DNAH2: variants seen among roughly 807,000 people sequenced by gnomAD.
DNAH2 encodes dynein axonemal heavy chain 2, also known as axonemal beta dynein heavy chain 2.
In DNAH2, 323 loss-of-function variants were observed where a neutral mutation model predicts 523.5. That is an observed-to-expected ratio of 0.62 (90% CI 0.56 to 0.68). The LOEUF is 0.68. Among genes scored for constraint, DNAH2 ranks in the 30% least tolerant of loss-of-function variants. DNAH2 has a pLI of 0.00. For missense variants in DNAH2, 4,907 were observed against 5,701.5 expected (o/e 0.86, Z 4.49); for synonymous variants, 2,093 against 2,177.4 (o/e 0.96, Z 1.08).
chr17:7,727,069 A>G (rs2074836934), intron 3 of DNAH2, 53 bp from the exon 4 acceptor site: 5 of 1,481,390 alleles, frequency 3.4e-6, no homozygotes, highest in Non-Finnish European at 4.5e-6. Flanking sequence ...GATGGGAGGA[A>G]TGACTCATCC....
Position 7,830,562 on chromosome 17 carries a change from G to A in DNAH2, c.12045+71G>A. On this transcript the variant is annotated intron_variant, in intron 78 of 85. Coordinates refer to ENST00000572933, the MANE Select transcript of DNAH2 (RefSeq NM_020877.5). ...CGTCCTACCCCATGGCTCCCCTGTG[G>A]GAATATCCGTGGACACAAAGCCTGT... 2.5e-6 allele frequency: 4 copies of A among 1,605,154 alleles called. No homozygotes were observed. The South Asian group carries it at 3.3e-5, about 13-fold the overall frequency.
In DNAH2 at chr17:7,807,208, G is replaced by C; in HGVS notation, c.9501G>C (p.Lys3167Asn). 1 of 1,613,144 alleles carries C rather than the reference G, an allele frequency of 6.2e-7. No individual in the cohort carries two copies. Residue 3167 changes from lysine (K) to asparagine (N), a missense_variant, in exon 62 of 86, where the codon AAG becomes AAC. Transcript: ENST00000572933. The surrounding 1 kb of genome is among the most constrained non-coding windows in gnomAD (Gnocchi z 5.6). Reference protein sequence around the residue: ...INFDKDNISDKVLKKIGAYCA... With the variant: ...INFDKDNISDNVLKKIGAYCA... ...TTGATAAAGACAATATCTCAGATAAGGTTCTGAAGAAGATTGGGGCCTACT... is the reference window on the plus strand; with the variant it reads ...TTGATAAAGACAATATCTCAGATAACGTTCTGAAGAAGATTGGGGCCTACT...
intron 24 of DNAH2, among the ~76,000 whole-genome samples, chr17:7,769,222 T>C (rs923626678): frequency 6.6e-6 from 1 of 152,206 alleles, no homozygotes; most frequent in African/African-American, 2.4e-5. Flanking sequence ...GGTGCAGTGC[T>C]GTGATCTCGG....
chr17:7,812,816 A>C (rs1316088056), intron 63 of DNAH2, among the ~76,000 whole-genome samples: 1 of 136,940 alleles, frequency 7.3e-6, no homozygotes, highest in Non-Finnish European at 1.6e-5. Context: ...GGTGGTGGGC[A>C]CCTGTAATCC....
In DNAH2 at chr17:7,833,450, G is replaced by A. The variant is rs201842080; in HGVS notation, c.13201G>A (p.Gly4401Ser). 3.7e-6 allele frequency: 6 copies of A among 1,614,114 alleles called. No individual in the cohort carries two copies. Among genetic ancestry groups the A allele is most frequent in the African/African-American group, 2.7e-5 (2 of 75,026 alleles). ...GSSDRASFVI[G>S]IDLRSGAMTP... is the part of the protein sequence containing the mutation. Reference sequence around the variant, plus strand: ...CTCAGACCGAGCCTCCTTTGTCATCGGCATTGACCTGCGGTCTGGGGCCAT... The same window carrying A: ...CTCAGACCGAGCCTCCTTTGTCATCAGCATTGACCTGCGGTCTGGGGCCAT... The change falls in exon 86 of 86, where the codon GGC (glycine) becomes AGC (serine). Residue 4401 changes from glycine to serine, a missense_variant. Physicochemically the swap from Gly to Ser is moderately conservative, Grantham distance 56 (BLOSUM62 0). Around this residue, in one of 3 missense-constraint regions of DNAH2, gnomAD observed 1,851 missense variants for 2,139.4 expected, o/e 0.87. Transcript: ENST00000572933.
chr17:7,733,812 T>C (rs1441996622), intron 5 of DNAH2, among the ~76,000 whole-genome samples: 1 of 152,104 alleles, frequency 6.6e-6, no homozygotes, highest in Non-Finnish European at 1.5e-5. Flanking sequence ...ACTTTTCTGT[T>C]GTGGAACTTG....
In DNAH2 at chr17:7,770,556, G is replaced by A. The variant is rs199860298; in HGVS notation, c.4099-1G>A. Reference sequence around the variant, plus strand: ...CTGTGTCCCCCAATTTCTCTCCACAGGCTTTACAAAACATTGCCAAGACCT... The same window carrying A: ...CTGTGTCCCCCAATTTCTCTCCACAAGCTTTACAAAACATTGCCAAGACCT... On this transcript the variant is annotated splice_acceptor_variant, in intron 25 of 85. Coordinates refer to ENST00000572933, the MANE Select transcript of DNAH2 (RefSeq NM_020877.5). LOFTEE classifies it high-confidence loss of function. 1.1e-5 allele frequency: 18 copies of A among 1,614,124 alleles called. No individual in the cohort carries two copies. The highest frequency in any genetic ancestry group is 1.5e-5 in the Non-Finnish European group (18 of 1,180,020).
Position 7,760,659 on chromosome 17 carries a change from T to A in DNAH2, c.2786-81T>A, listed in dbSNP as rs1363313804. ...GGGAAGCTGGTTTTAGAGTGGAAGGTCTGGAGCAGTGGGCAGGGCTCAGGC... is the reference window on the plus strand; with the variant it reads ...GGGAAGCTGGTTTTAGAGTGGAAGGACTGGAGCAGTGGGCAGGGCTCAGGC... On this transcript the variant is annotated intron_variant, in intron 17 of 85. Transcript: ENST00000572933. This position sits in a 1 kb window ranked among gnomAD's most constrained non-coding sequence, Gnocchi z 4.0. 6.5e-6 allele frequency: 9 copies of A among 1,390,590 alleles called. No homozygotes were observed. The highest frequency in any genetic ancestry group is 7.9e-6 in the Non-Finnish European group (8 of 1,012,422). The allele number at this position is 1,390,590 out of a possible 1,614,324, so 86.1% of individuals were successfully genotyped here.
chr17:7,727,754 C>CAAAAAAAAAAAAAA (rs766811062), intron 4 of DNAH2, among the ~76,000 whole-genome samples: 2 of 48,968 alleles, frequency 4.1e-5, no homozygotes, highest in African/African-American at 1.7e-4. Context: ...GACTCTGTCT[C>CAAAAAAAAAAAAAA]AAAAAAAAAA....
In DNAH2 at chr17:7,786,371, G is replaced by T; in HGVS notation, c.6348+29G>T. ...CGGGGCTGGGACAGTGGAGTCAGTG[G>T]GCAGAGACTTGAGTAGTAAGAAGAC... On this transcript the variant is annotated intron_variant, in intron 40 of 85. Coordinates refer to ENST00000572933, the MANE Select transcript of DNAH2 (RefSeq NM_020877.5). This position sits in a 1 kb window ranked among gnomAD's most constrained non-coding sequence, Gnocchi z 7.5. The T allele has an allele frequency of 6.2e-7, 1 of 1,602,318 alleles. No individual in the cohort carries two copies.
chr17:7,824,049 G>A, intron 75 of DNAH2, 67 bp downstream of exon 75: 1 of 1,584,024 alleles, frequency 6.3e-7, no homozygotes, highest in South Asian at 1.1e-5. Context: ...CTCTGTTTCA[G>A]TCTCCTTCAT....
Position 7,797,836 on chromosome 17 carries a change from A to G in DNAH2, c.8230+7A>G. 5 of 1,601,684 alleles carry G rather than the reference A, an allele frequency of 3.1e-6. No individual in the cohort carries two copies. The highest frequency in any genetic ancestry group is 4.3e-6 in the Non-Finnish European group (5 of 1,174,002). ...CGAGAGGCTATTGAACACAGTGAGC[A>G]CCTGCCACGCCTATCCCCTTCCCCA... is the stretch of plus-strand genomic sequence containing the variant. On this transcript the variant is annotated splice_region_variant and intron_variant, in intron 53 of 85. Coordinates refer to ENST00000572933, the MANE Select transcript of DNAH2 (RefSeq NM_020877.5).
rs1204325973 is a variant in DNAH2 at position 7,775,362 on chromosome 17, T to C, written c.4821+20T>C. The C allele has an allele frequency of 1.2e-5, 19 of 1,597,394 alleles. No homozygotes were observed. Among genetic ancestry groups the C allele is most frequent in the Non-Finnish European group, 1.6e-5 (19 of 1,169,712 alleles). On this transcript the variant is annotated intron_variant, in intron 30 of 85. Coordinates refer to ENST00000572933, the MANE Select transcript of DNAH2 (RefSeq NM_020877.5). ...GTGGAGGTGAGTTGTGGTGAGGGTC[T>C]GAGGACCTAGCTGATTCTTCTTCCT...
intron 56 of DNAH2, among the ~76,000 whole-genome samples, chr17:7,801,363 GA>G (rs2077218654): frequency 6.6e-6 from 1 of 152,140 alleles, no homozygotes; most frequent in Non-Finnish European, 1.5e-5. Flanking sequence ...TCCACACCTC[GA>G]AAGTGTAGAA....
rs1250302910 is a variant in DNAH2, at chr17:7,718,127, C to T, written c.-687C>T. 6.6e-6 allele frequency: 1 copy of T among 152,122 alleles called. No homozygotes were observed. Among genetic ancestry groups the T allele is most frequent in the Non-Finnish European group, 1.5e-5 (1 of 68,022 alleles). The allele number at this position is 152,122 out of a possible 1,614,324, so 9.4% of individuals were successfully genotyped here. A position where few individuals can be genotyped will look rare whatever the true frequency, so the allele number is the denominator to read the frequency against. On this transcript the variant is annotated 5_prime_UTR_variant, in exon 1 of 86. Coordinates refer to ENST00000572933, the MANE Select transcript of DNAH2 (RefSeq NM_020877.5). Reference sequence around the variant, plus strand: ...TACTGCAGGATAAATACTGCTGGCCCCTGCGGTATTTCCTAGTACTAGAGT... The same window carrying T: ...TACTGCAGGATAAATACTGCTGGCCTCTGCGGTATTTCCTAGTACTAGAGT...
chr17:7,824,516 GA>G lies in DNAH2; in HGVS notation c.11663-20del. On this transcript the variant is annotated intron_variant, in intron 76 of 85. Transcript: ENST00000572933. ...CAGGGCTTAGGAAATGATTCCCACT[GA>G]CCCTGGCATCTCCTTGCAGGACACT... 1 of 1,520,066 alleles carries G rather than the reference GA, an allele frequency of 6.6e-7. No individual in the cohort carries two copies. 94.2% of individuals were successfully genotyped at this position (1,520,066 alleles called of 1,614,324 possible). A position where few individuals can be genotyped will look rare whatever the true frequency, so the allele number is the denominator to read the frequency against.
chr17:7,823,709 T>C, intron 74 of DNAH2, 81 bp downstream of exon 74: 1 of 1,580,606 alleles, frequency 6.3e-7, no homozygotes, highest in South Asian at 1.2e-5. Flanking sequence ...TTGTCCTCCA[T>C]CCCCTCTCCC....
At chr17:7,791,317 C>T (rs1046955735) in intron 44 of DNAH2, among the ~76,000 whole-genome samples, 5 of 152,070 alleles carry the variant, frequency 3.3e-5, no homozygotes, top group Admixed American at 1.3e-4. Context: ...GTGATCCACG[C>T]GGCTCTGCCT....
intron 36 of DNAH2, among the ~76,000 whole-genome samples, chr17:7,779,897 T>C (rs2076557630): frequency 6.6e-6 from 1 of 152,076 alleles, no homozygotes; most frequent in South Asian, 2.1e-4. Context: ...CCTGGAGAGA[T>C]GGGAAATTGA....
Sources: gnomAD v4.1 joint callset for allele counts (sites outside exome capture counted in the v4.1 genomes callset) on GRCh38, gnomAD v4.1.1 for gene constraint, gnomAD v4.1.1 regional missense constraint, Gnocchi (gnomAD v3.1) non-coding constraint, MANE v1.5 for transcripts, NCBI Gene and HGNC (gene_info 2026-07-23, HGNC 2026-07-21) for gene names.